MX1: variants seen among roughly 807,000 people sequenced by gnomAD.
MX1 encodes interferon-induced GTP-binding protein Mx1.
In MX1, 66 loss-of-function variants were observed where a neutral mutation model predicts 66.4. The observed-to-expected ratio is 0.99, with a 90% confidence interval of 0.82 to 1.22. The LOEUF is 1.22. Among genes scored for constraint, MX1 ranks in the 50% most tolerant of loss-of-function variants. MX1 has a pLI of 0.00. For missense variants in MX1, 787 were observed against 834.3 expected, an observed-to-expected ratio of 0.94 and a Z score of 0.70; for synonymous variants, 311 against 318.1, an observed-to-expected ratio of 0.98 and a Z score of 0.24.
chr21:41,454,026 T>C (rs1214053490), intron 16 of MX1, among the ~76,000 whole-genome samples: 1 of 152,210 alleles, frequency 6.6e-6, no homozygotes, highest in Non-Finnish European at 1.5e-5. Flanking sequence ...AGTTAATCTC[T>C]CCTAGATTCA....
chr21:41,422,913 T>C (rs1276103622), upstream of MX1: 1 of 152,058 alleles, frequency 6.6e-6, no homozygotes, highest in Non-Finnish European at 1.5e-5. Flanking sequence ...GCTGTTAAGG[T>C]GAGTGATTGC....
At chr21:41,448,065 A>G (rs2090714031) in intron 13 of MX1, among the ~76,000 whole-genome samples, 1 of 152,204 alleles carries the variant, frequency 6.6e-6, no homozygotes, top group African/African-American at 2.4e-5. Flanking sequence ...ATGTTATACT[A>G]TGTAAATGAC....
chr21:41,440,179 T>A (rs949576011), intron 8 of MX1, among the ~76,000 whole-genome samples: 5 of 152,008 alleles, frequency 3.3e-5, no homozygotes, highest in Non-Finnish European at 7.4e-5. Context: ...TAGGAAGGGG[T>A]CTTATGTGGG....
intron 12 of MX1, 42 bp downstream of exon 12, chr21:41,445,612 A>G (rs2090638445): frequency 1.2e-6 from 2 of 1,612,042 alleles, no homozygotes; most frequent in Non-Finnish European, 1.7e-6. Flanking sequence ...AGCACATGTC[A>G]TGGTCAAAAA....
chr21:41,422,245 C>T (rs755965966), upstream of MX1: 2 of 152,238 alleles, frequency 1.3e-5, no homozygotes, highest in Non-Finnish European at 2.9e-5. Context: ...TGTGGTTGTC[C>T]TCATTTTTAC....
At position 41,427,847 on chromosome 21, in the gene MX1, C is replaced by T. The variant is rs1454064824; in HGVS notation, c.-117C>T. On this transcript the variant is annotated 5_prime_UTR_variant, in exon 3 of 17. Transcript: ENST00000398598. ...TGAAATCTGGAGTGAAGAACGCCGC[C>T]ATCCAGCCACCATTCCAAGGTAAGG... The T allele has an allele frequency of 1.3e-5, 2 of 152,290 alleles. No individual in the cohort carries two copies. Among genetic ancestry groups the T allele is most frequent in the Non-Finnish European group, 2.9e-5 (2 of 68,092 alleles). 9.4% of individuals were successfully genotyped at this position (152,290 alleles called of 1,614,324 possible).
At chr21:41,438,624 A>G (rs2090426395) in intron 7 of MX1, among the ~76,000 whole-genome samples, 1 of 152,230 alleles carries the variant, frequency 6.6e-6, no homozygotes. Context: ...TCACGTGGCC[A>G]AGCCCAATTT....
intron 14 of MX1, among the ~76,000 whole-genome samples, chr21:41,450,009 A>G (rs559577278): frequency 2.6e-5 from 4 of 152,132 alleles, no homozygotes; most frequent in Non-Finnish European, 5.9e-5. Context: ...AACACGAGAT[A>G]CTCCTAAGGC....
rs747523063 is a variant in MX1, at chr21:41,432,154, GGC to G, written c.85_86del (p.Ala29ProfsTer9). ...TATTACTGAATGGAGATGCTACTGT[GGC>G]CCAGAAAAATCCAGGCTCGGTAAGT... ...PLLLNGDATV[A>X]QKNPGSVAEN... On this transcript the variant is annotated frameshift_variant, in exon 5 of 17. Coordinates refer to ENST00000398598, the MANE Select transcript of MX1 (RefSeq NM_002462.5). LOFTEE classifies it high-confidence loss of function. The G allele has an allele frequency of 6.2e-7, 1 of 1,614,068 alleles. No individual in the cohort carries two copies. The highest frequency in any genetic ancestry group is 8.5e-7 in the Non-Finnish European group (1 of 1,180,030).
intron 8 of MX1, among the ~76,000 whole-genome samples, chr21:41,440,506 A>G (rs1308648422): frequency 6.6e-6 from 1 of 152,230 alleles, no homozygotes; most frequent in African/African-American, 2.4e-5. Flanking sequence ...AAAACAAGCA[A>G]GAAAGAAATA....
At chr21:41,436,759 G>C (rs1002633206) in intron 6 of MX1, among the ~76,000 whole-genome samples, 1 of 152,194 alleles carries the variant, frequency 6.6e-6, no homozygotes, top group Non-Finnish European at 1.5e-5. Context: ...ACTGGGATGA[G>C]GCAGGAAGCC....
At chr21:41,456,070 G>A (rs1303958938) in intron 16 of MX1, among the ~76,000 whole-genome samples, 4 of 151,968 alleles carry the variant, frequency 2.6e-5, no homozygotes, top group African/African-American at 9.7e-5. Context: ...GGCGAAACCC[G>A]GTCTCTACTA....
intron 12 of MX1, 168 bp downstream of exon 12, chr21:41,445,738 A>G (rs469383): frequency 0.56 from 546,168 of 977,566 alleles, 156,738 homozygotes; most frequent in Non-Finnish European, 0.6. Context: ...CAGGGAGTGC[A>G]GATGTGGGGG....
chr21:41,423,870 C>T (rs1369412005), upstream of MX1, among the ~76,000 whole-genome samples: 1 of 152,214 alleles, frequency 6.6e-6, no homozygotes, highest in Non-Finnish European at 1.5e-5. Flanking sequence ...GGAGGCATTG[C>T]ACCAACTGGG....
In MX1 at chr21:41,441,918, C is replaced by T. The variant is rs763644321; in HGVS notation, c.929+4C>T. On this transcript the variant is annotated splice_donor_region_variant and intron_variant, in intron 10 of 16. Transcript: ENST00000398598. The surrounding 1 kb of genome is among the most constrained non-coding windows in gnomAD (Gnocchi z 4.0). ...TTGAGAACCACCCATATTTCAGGTG[C>T]GCTTGCCTGGGTTTCATCATGGATC... 6.8e-6 allele frequency: 11 copies of T among 1,613,946 alleles called. No individual in the cohort carries two copies. Among genetic ancestry groups the T allele is most frequent in the African/African-American group, 4.0e-5 (3 of 74,992 alleles).
At chr21:41,454,649 C>G (rs150631943) in intron 16 of MX1, among the ~76,000 whole-genome samples, 5 of 152,198 alleles carry the variant, frequency 3.3e-5, no homozygotes, top group Non-Finnish European at 7.3e-5. Flanking sequence ...TTCAGTTAAC[C>G]TGAAGTACAA....
chr21:41,439,811 TG>T lies in MX1; in HGVS notation c.556del (p.Ala186LeufsTer61). The T allele has an allele frequency of 8.7e-6, 14 of 1,612,566 alleles. No homozygotes were observed. Among genetic ancestry groups the T allele is most frequent in the Non-Finnish European group, 1.2e-5 (14 of 1,179,516 alleles). ...TLIDLPGITR[V>X]AVGNQPADIG... ...ATAGACCTTCCTGGCATAACCAGAG[TG>T]GCTGTGGGCAATCAGCCTGCTGACA... On this transcript the variant is annotated frameshift_variant, in exon 8 of 17. Transcript: ENST00000398598. LOFTEE classifies it high-confidence loss of function.
chr21:41,446,954 A>G (rs1334888825), intron 13 of MX1, among the ~76,000 whole-genome samples: 1 of 152,212 alleles, frequency 6.6e-6, no homozygotes, highest in African/African-American at 2.4e-5. Flanking sequence ...AACTAAAGCC[A>G]TGTTTGCTCT....
chr21:41,441,087 AGAATGGGGGAGCCCACCTGTGCTCG>A lies in MX1; in HGVS notation c.730+64_730+88del. ...TGGGGGAGCCCGCCTGTGCTCGGTG[AGAATGGGGGAGCCCACCTGTGCTCG>A]GTGAGAATGGGGGAGCCCGCCTGTG... On this transcript the variant is annotated intron_variant, in intron 9 of 16. Transcript: ENST00000398598. The surrounding 1 kb of genome is among the most constrained non-coding windows in gnomAD (Gnocchi z 4.0). 4.1e-6 allele frequency: 6 copies of A among 1,456,222 alleles called. No individual in the cohort carries two copies. Among genetic ancestry groups the A allele is most frequent in the South Asian group, 1.5e-5 (1 of 65,996 alleles). The allele number at this position is 1,456,222 out of a possible 1,614,324, so 90.2% of individuals were successfully genotyped here. A position where few individuals can be genotyped will look rare whatever the true frequency, so the allele number is the denominator to read the frequency against.
Sources: gnomAD v4.1 joint callset for allele counts (sites outside exome capture counted in the v4.1 genomes callset) on GRCh38, gnomAD v4.1.1 for gene constraint, Gnocchi (gnomAD v3.1) non-coding constraint, MANE v1.5 for transcripts, NCBI Gene and HGNC (gene_info 2026-07-23, HGNC 2026-07-21) for gene names.